SLCO3A1: variants seen among roughly 807,000 people sequenced by gnomAD.
SLCO3A1 encodes PGE1 transporter.
A neutral mutation model predicts 63.1 loss-of-function variants in SLCO3A1; 27 were observed. The ratio of observed to expected loss-of-function variants is 0.43; its 90% confidence interval spans 0.32 to 0.59. The LOEUF is 0.59. SLCO3A1 is among the 20% of genes least tolerant of loss of function. The pLI, the probability that SLCO3A1 is intolerant of heterozygous loss-of-function variation, is 0.09. For missense variants in SLCO3A1, 773 were observed against 945.8 expected, an observed-to-expected ratio of 0.82 and a Z score of 2.40; for synonymous variants, 473 against 409.9, an observed-to-expected ratio of 1.15 and a Z score of -1.86.
intron 4 of SLCO3A1, among the ~76,000 whole-genome samples, chr15:92,117,918 C>T (rs1392577574): frequency 6.6e-6 from 1 of 152,168 alleles, no homozygotes; most frequent in Non-Finnish European, 1.5e-5. Context: ...AATATTTGTA[C>T]CATACTTTAA....
At chr15:92,055,715 C>T (rs1345409073) in intron 2 of SLCO3A1, among the ~76,000 whole-genome samples, 11 of 152,154 alleles carry the variant, frequency 7.2e-5, no homozygotes, top group African/African-American at 2.7e-4. Flanking sequence ...CACTCATCAC[C>T]CCACAGGCAT....
intron 1 of SLCO3A1, among the ~76,000 whole-genome samples, chr15:91,874,240 CT>C (rs1282845867): frequency 9.9e-5 from 15 of 152,170 alleles, no homozygotes; most frequent in Admixed American, 9.8e-4. Context: ...CTGTTGCTCA[CT>C]ATTTTCTGAC....
chr15:92,147,012 C>G lies in SLCO3A1; in HGVS notation c.1541C>G (p.Thr514Ser), dbSNP rs770316932. ...CTCACGGGCTGTGCGTGCCTCACCA[C>G]CGTCCCTGCTGAGAACGCAACCGTG... ...TNLTGCACLT[T>S]VPAENATVVP... The change falls in exon 8 of 10, where the codon ACC becomes AGC. Residue 514 changes from threonine (T) to serine (S), a missense_variant. Coordinates refer to ENST00000318445, the MANE Select transcript of SLCO3A1 (RefSeq NM_013272.4). The G allele has an allele frequency of 1.9e-6, 3 of 1,613,662 alleles. No individual in the cohort carries two copies. The African/African-American group carries it at 4.0e-5, about 22-fold the overall frequency.
chr15:91,872,091 T>C lies in SLCO3A1; in HGVS notation c.180+18003T>C, dbSNP rs1291249018. Among the ~76,000 whole-genome samples, 1 of 152,176 alleles carries C rather than the reference T, an allele frequency of 6.6e-6. No homozygotes were observed. The highest frequency in any genetic ancestry group is 1.5e-5 in the Non-Finnish European group (1 of 68,026). ...AAAAGATGTGGGGAGTCAAATCCTCTGTGGAAAGGGGAATTGCCTTCGTCG... is the reference window on the plus strand; with the variant it reads ...AAAAGATGTGGGGAGTCAAATCCTCCGTGGAAAGGGGAATTGCCTTCGTCG... On this transcript the variant is annotated intron_variant, in intron 1 of 9. Coordinates refer to ENST00000318445, the MANE Select transcript of SLCO3A1 (RefSeq NM_013272.4). The surrounding 1 kb of genome is among the most constrained non-coding windows in gnomAD (Gnocchi z 4.1).
At chr15:92,040,895 C>G (rs1159369274) in intron 2 of SLCO3A1, among the ~76,000 whole-genome samples, 1 of 152,106 alleles carries the variant, frequency 6.6e-6, no homozygotes, top group Non-Finnish European at 1.5e-5. Context: ...AGTCTGGGAT[C>G]TGGGCCTGGG....
rs552477810 is a variant in SLCO3A1, at chr15:91,981,995, G to C, written c.646+65537G>C. ...CCTTCTTCTGTCCCCAGCACCACTT[G>C]TTGAAGTTATGCACATCATTGCAGG... On this transcript the variant is annotated intron_variant, in intron 2 of 9. Transcript: ENST00000318445. 2.0e-5 allele frequency among the ~76,000 whole-genome samples: 3 copies of C among 152,260 alleles called. No individual in the cohort carries two copies. The East Asian group carries it at 5.8e-4, about 29-fold the overall frequency.
chr15:91,857,399 G>A (rs770718775), intron 1 of SLCO3A1, among the ~76,000 whole-genome samples: 2 of 152,162 alleles, frequency 1.3e-5, no homozygotes, highest in Admixed American at 6.5e-5. Flanking sequence ...TAGTCACAGG[G>A]ATGTTCCATC....
chr15:92,048,594 G>C (rs763935312), intron 2 of SLCO3A1, among the ~76,000 whole-genome samples: 2 of 152,126 alleles, frequency 1.3e-5, no homozygotes, highest in Non-Finnish European at 2.9e-5. Context: ...AATGTCTCCA[G>C]ATATGTCACA....
rs377277071 is a variant in SLCO3A1 at position 92,163,859 on chromosome 15, C to T, written c.*724C>T. On this transcript the variant is annotated 3_prime_UTR_variant, in exon 10 of 10. Transcript: ENST00000318445. ...TCAAGACTGAGGGCCTGAGGGGGAG[C>T]CAGGTGGGGGGCCAGCACCTCCCAG... The T allele has an allele frequency of 3.3e-5, 33 of 985,522 alleles. No individual in the cohort carries two copies. The highest frequency in any genetic ancestry group is 9.4e-5 in the South Asian group (2 of 21,300). The allele number at this position is 985,522 out of a possible 1,614,324, so 61.0% of individuals were successfully genotyped here. A position where few individuals can be genotyped will look rare whatever the true frequency, so the allele number is the denominator to read the frequency against.
intron 4 of SLCO3A1, among the ~76,000 whole-genome samples, chr15:92,109,185 C>T (rs1406691458): frequency 6.6e-6 from 1 of 152,138 alleles, no homozygotes; most frequent in African/African-American, 2.4e-5. Flanking sequence ...TAGGAGGCAT[C>T]GGTACCACTT....
intron 2 of SLCO3A1, among the ~76,000 whole-genome samples, chr15:92,015,713 G>A (rs17695404): frequency 0.11 from 17,311 of 152,074 alleles, 1,363 homozygotes; most frequent in East Asian, 0.42. Context: ...GGCTGCTAAG[G>A]GTAACTGTTG....
chr15:92,044,912 C>G (rs2046842158), intron 2 of SLCO3A1, among the ~76,000 whole-genome samples: 3 of 152,160 alleles, frequency 2.0e-5, no homozygotes, highest in Admixed American at 6.6e-5. Flanking sequence ...TCTCCTTGGC[C>G]TGAACACCCT....
intron 2 of SLCO3A1, among the ~76,000 whole-genome samples, chr15:92,018,520 C>T (rs766363186): frequency 5.9e-5 from 9 of 152,214 alleles, no homozygotes; most frequent in Middle Eastern, 3.2e-3. Flanking sequence ...TGCCACTTCT[C>T]TTCCGCAGGG....
chr15:91,911,780 C>A (rs555093030), intron 1 of SLCO3A1, among the ~76,000 whole-genome samples: 1 of 152,258 alleles, frequency 6.6e-6, no homozygotes, highest in South Asian at 2.1e-4. Flanking sequence ...GCATGTGCCA[C>A]CACGTCCAGC....
chr15:91,899,924 A>G (rs1031270493), intron 1 of SLCO3A1, among the ~76,000 whole-genome samples: 1 of 152,222 alleles, frequency 6.6e-6, no homozygotes, highest in Non-Finnish European at 1.5e-5. Flanking sequence ...ACATCATAGC[A>G]TGTATTAATA....
At chr15:92,119,856 T>A (rs1243277798) in intron 4 of SLCO3A1, among the ~76,000 whole-genome samples, 1 of 152,150 alleles carries the variant, frequency 6.6e-6, no homozygotes, top group African/African-American at 2.4e-5. Flanking sequence ...GCTCTGGTGG[T>A]CTCCAAGTGA....
At chr15:91,985,523 A>G (rs2046040892) in intron 2 of SLCO3A1, among the ~76,000 whole-genome samples, 1 of 152,218 alleles carries the variant, frequency 6.6e-6, no homozygotes, top group South Asian at 2.1e-4. Flanking sequence ...GTTCATTGTT[A>G]GTAATACTGC....
intron 1 of SLCO3A1, among the ~76,000 whole-genome samples, chr15:91,871,736 C>G (rs1339542359): frequency 1.6e-5 from 2 of 128,266 alleles, no homozygotes; most frequent in Non-Finnish European, 3.2e-5. Flanking sequence ...CTTTATGACA[C>G]TGGGGTGTGC....
At position 92,083,844 on chromosome 15, in the gene SLCO3A1, C is replaced by T. The variant is rs181305078; in HGVS notation, c.647-11037C>T. The stretch of plus-strand genomic sequence containing the variant: ...AAAGCCCTTGTGAGGCACTAATCAC[C>T]CAAACCTCAAAACAATCCTGCGAGG... On this transcript the variant is annotated intron_variant, in intron 2 of 9. Coordinates refer to ENST00000318445, the MANE Select transcript of SLCO3A1 (RefSeq NM_013272.4). Among the ~76,000 whole-genome samples the T allele has an allele frequency of 7.1e-4, 108 of 152,150 alleles. 1 individual carries two copies. The highest frequency in any genetic ancestry group is 1.3e-3 in the Non-Finnish European group (87 of 68,012).
Sources: gnomAD v4.1 joint callset for allele counts (sites outside exome capture counted in the v4.1 genomes callset) on GRCh38, gnomAD v4.1.1 for gene constraint, Gnocchi (gnomAD v3.1) non-coding constraint, MANE v1.5 for transcripts, NCBI Gene and HGNC (gene_info 2026-07-23, HGNC 2026-07-21) for gene names.